Variants in EDARADD observed in about 807,000 individuals in gnomAD.
EDARADD encodes EDAR associated via death domain, also known as ectodysplasin-A receptor-associated adapter protein.
EDARADD carries 20 observed loss-of-function variants against 25.6 expected under a neutral mutation model. The observed-to-expected ratio is 0.78, with a 90% CI of 0.55 to 1.14. The LOEUF is 1.14. Among genes scored for constraint, EDARADD ranks in the 50% most tolerant of loss-of-function variants. The pLI is 0.00. For missense variants in EDARADD, 225 were observed against 270.1 expected (o/e 0.83, Z 1.17); for synonymous variants, 86 against 94.4 (o/e 0.91, Z 0.52).
intron 2 of EDARADD, among the ~76,000 whole-genome samples, chr1:236,349,657 G>A (rs932771691): frequency 1.4e-4 from 21 of 152,068 alleles, no homozygotes; most frequent in African/African-American, 5.1e-4. Context: ...ATAAAGGATT[G>A]TGGAGACCAA....
At chr1:236,378,926 G>C (rs1042055247) in intron 3 of EDARADD, among the ~76,000 whole-genome samples, 1 of 152,002 alleles carries the variant, frequency 6.6e-6, no homozygotes, top group Admixed American at 6.6e-5. Flanking sequence ...AAAGACTACA[G>C]TGTTTGTAAT....
chr1:236,409,370 C>T, intron 2 of EDARADD, 96 bp downstream of exon 2: 2 of 928,308 alleles, frequency 2.2e-6, no homozygotes, highest in Admixed American at 2.0e-5. Context: ...TTTACATGTG[C>T]ATCAGAAACC....
At chr1:236,427,966 TATTTTA>T (rs1372657437) in intron 4 of EDARADD, among the ~76,000 whole-genome samples, 32 of 100,326 alleles carry the variant, frequency 3.2e-4, no homozygotes, top group South Asian at 1.7e-3. Context: ...TTATTTATTT[TATTTTA>T]TTTTATTTTT....
intron 3 of EDARADD, among the ~76,000 whole-genome samples, chr1:236,381,429 GTTTAC>G (rs1400629366): frequency 6.6e-6 from 1 of 151,832 alleles, no homozygotes; most frequent in African/African-American, 2.4e-5. Flanking sequence ...CTATTTTAGT[GTTTAC>G]TTTAGCGTTT....
chr1:236,398,976 A>G lies in EDARADD; in HGVS notation c.61+4471A>G, dbSNP rs1385921717. On this transcript the variant is annotated intron_variant, in intron 1 of 5. Coordinates refer to ENST00000334232, the MANE Select transcript of EDARADD (RefSeq NM_145861.4). The surrounding 1 kb of genome is among the most constrained non-coding windows in gnomAD (Gnocchi z 4.1). ...AAATACCACCTCAGTGAATGAAGGA[A>G]GGTTATAAAATTTAACCACAGGCTC... Among the ~76,000 whole-genome samples, 1 of 152,200 alleles carries G rather than the reference A, an allele frequency of 6.6e-6. No individual in the cohort carries two copies. Among genetic ancestry groups the G allele is most frequent in the African/African-American group, 2.4e-5 (1 of 41,454 alleles).
At position 236,427,559 on chromosome 1, in the gene EDARADD, G is replaced by C. The variant is rs1657957742; in HGVS notation, c.219+109G>C. On this transcript the variant is annotated intron_variant, in intron 4 of 5. Coordinates refer to ENST00000334232, the MANE Select transcript of EDARADD (RefSeq NM_145861.4). ...TAAAAAATGAAAAACAGGATTTCTA[G>C]ATCATAAACAGGGTTTGCAAATGGT... is the stretch of plus-strand genomic sequence containing the variant. 3 of 1,094,250 alleles carry C rather than the reference G, an allele frequency of 2.7e-6. No individual in the cohort carries two copies. The South Asian group carries it at 4.4e-5, about 16-fold the overall frequency. The allele number at this position is 1,094,250 out of a possible 1,614,324, so 67.8% of individuals were successfully genotyped here.
intron 1 of EDARADD, among the ~76,000 whole-genome samples, chr1:236,400,434 C>T (rs1667594134): frequency 6.6e-6 from 1 of 151,986 alleles, no homozygotes; most frequent in Non-Finnish European, 1.5e-5. Flanking sequence ...ACAGAGTAGC[C>T]GAGGTCAGGG....
chr1:236,428,691 C>CGA (rs1485031372), intron 4 of EDARADD, among the ~76,000 whole-genome samples: 1 of 46,516 alleles, frequency 2.1e-5, no homozygotes, highest in Non-Finnish European at 8.6e-5. Flanking sequence ...ACTTCCCAGA[C>CGA]TGGGCTGCCG....
intron 4 of EDARADD, among the ~76,000 whole-genome samples, chr1:236,467,208 G>A (rs988490512): frequency 2.0e-5 from 3 of 151,606 alleles, no homozygotes; most frequent in Non-Finnish European, 2.9e-5. Context: ...ACACACAAAC[G>A]GGGAATCTGA....
chr1:236,465,835 C>T (rs1399056962), intron 4 of EDARADD, among the ~76,000 whole-genome samples: 1 of 152,114 alleles, frequency 6.6e-6, no homozygotes, highest in Non-Finnish European at 1.5e-5. Context: ...GAAAACAAAC[C>T]CACAACATAG....
intron 3 of EDARADD, among the ~76,000 whole-genome samples, chr1:236,370,726 T>A (rs910329776): frequency 3.9e-5 from 6 of 152,104 alleles, no homozygotes; most frequent in African/African-American, 1.4e-4. Context: ...AAGTGCAGGG[T>A]TGGAAAAATA....
chr1:236,447,170 C>CTTTCTTTCTTTCTTTCTTTCTT (rs1491458683), intron 4 of EDARADD, among the ~76,000 whole-genome samples: 2 of 93,712 alleles, frequency 2.1e-5, no homozygotes, highest in African/African-American at 1.0e-4. Flanking sequence ...CCCTCCCTCC[C>CTTTCTTTCTTTCTTTCTTTCTT]TCTTTCTTTC....
chr1:236,381,595 T>C (rs1667299678), intron 3 of EDARADD, among the ~76,000 whole-genome samples: 1 of 151,952 alleles, frequency 6.6e-6, no homozygotes, highest in South Asian at 2.1e-4. Context: ...AAGCCCTAAA[T>C]ACATTGTTAC....
chr1:236,446,315 G>A (rs2103024657), intron 4 of EDARADD, among the ~76,000 whole-genome samples: 2 of 152,182 alleles, frequency 1.3e-5, no homozygotes, highest in East Asian at 3.9e-4. Context: ...TCATAAGGAG[G>A]CCGAGGCAGG....
At chr1:236,423,673 T>C (rs984258324) in intron 3 of EDARADD, among the ~76,000 whole-genome samples, 2 of 152,184 alleles carry the variant, frequency 1.3e-5, no homozygotes, top group Middle Eastern at 3.2e-3. Context: ...ACTATTGAGA[T>C]AGTCACTGAA....
rs1558114081 is a variant in EDARADD, at chr1:236,409,211, T to TAAAA, written c.62-4_62-3insAAAA. ...TCTATTTGTTTGTTTTTGTTCTTTT[T>TAAAA]ACAGATCATATGGTAAAGGAACCAG... is the stretch of plus-strand genomic sequence containing the variant. On this transcript the variant is annotated splice_region_variant and splice_polypyrimidine_tract_variant and intron_variant, in intron 1 of 5. Coordinates refer to ENST00000334232, the MANE Select transcript of EDARADD (RefSeq NM_145861.4). The TAAAA allele has an allele frequency of 6.2e-7, 1 of 1,609,176 alleles. No individual in the cohort carries two copies.
chr1:236,466,965 G>A (rs1659210687), intron 4 of EDARADD, among the ~76,000 whole-genome samples: 1 of 152,118 alleles, frequency 6.6e-6, no homozygotes, highest in African/African-American at 2.4e-5. Flanking sequence ...TACTTGGGAG[G>A]CTGAGGCAGG....
At chr1:236,385,003 CT>C (rs1667335507) in intron 3 of EDARADD, among the ~76,000 whole-genome samples, 5 of 150,308 alleles carry the variant, frequency 3.3e-5, no homozygotes, top group Admixed American at 2.0e-4. Context: ...CTATTCCCTG[CT>C]TTAGAACTTC....
chr1:236,457,538 A>G (rs1442691498), intron 4 of EDARADD, among the ~76,000 whole-genome samples: 6 of 150,652 alleles, frequency 4.0e-5, no homozygotes, highest in Non-Finnish European at 7.4e-5. Flanking sequence ...AAATAAAAAA[A>G]GGCCAGGCGC....
Sources: gnomAD v4.1 joint callset for allele counts (sites outside exome capture counted in the v4.1 genomes callset) on GRCh38, gnomAD v4.1.1 for gene constraint, Gnocchi (gnomAD v3.1) non-coding constraint, MANE v1.5 for transcripts, NCBI Gene and HGNC (gene_info 2026-07-23, HGNC 2026-07-21) for gene names.